Variants in ZBTB7C observed in about 807,000 individuals in gnomAD.
The protein encoded by ZBTB7C is zinc finger and BTB domain containing 7C.
In ZBTB7C, 8 loss-of-function variants were observed where a neutral mutation model predicts 25.7. That is an observed-to-expected ratio of 0.31 (90% CI 0.18 to 0.56). The LOEUF (loss-of-function observed/expected upper bound fraction) is 0.56, where lower values mean the gene tolerates loss of function less well. Ranked by LOEUF, ZBTB7C falls within the 20% of genes least tolerant of loss-of-function variation. The pLI is 0.91. For synonymous variants in ZBTB7C, 394 were observed against 369.0 expected (o/e 1.07, Z -0.78); for missense variants, 824 against 855.2 (o/e 0.96, Z 0.46).
At chr18:48,257,528 G>A (rs2044054666) in intron 2 of ZBTB7C, among the ~76,000 whole-genome samples, 1 of 151,994 alleles carries the variant, frequency 6.6e-6, no homozygotes, top group South Asian at 2.1e-4. Flanking sequence ...AAAACTGAAG[G>A]GAAGGGAATA....
At chr18:48,126,928 T>C (rs1276277288) in intron 3 of ZBTB7C, among the ~76,000 whole-genome samples, 5 of 150,504 alleles carry the variant, frequency 3.3e-5, no homozygotes, top group African/African-American at 1.2e-4. Flanking sequence ...GAAATAGAGA[T>C]GGGAGAGGGA....
chr18:48,379,918 A>G (rs1226138943), intron 1 of ZBTB7C, among the ~76,000 whole-genome samples: 3 of 152,178 alleles, frequency 2.0e-5, no homozygotes, highest in African/African-American at 7.2e-5. Context: ...TTTAAACAAC[A>G]ATAAAACACT....
chr18:48,315,524 T>C (rs773037268), intron 2 of ZBTB7C, among the ~76,000 whole-genome samples: 6 of 152,116 alleles, frequency 3.9e-5, no homozygotes, highest in Non-Finnish European at 8.8e-5. Context: ...AAGCCCCAGC[T>C]TTGCCACCTA....
chr18:48,077,737 C>G (rs186917693), intron 3 of ZBTB7C, among the ~76,000 whole-genome samples: 2 of 152,148 alleles, frequency 1.3e-5, no homozygotes, highest in Admixed American at 6.5e-5. Flanking sequence ...TGGGTCACCT[C>G]GTCCTCACCA....
intron 1 of ZBTB7C, among the ~76,000 whole-genome samples, chr18:48,395,283 G>GAA (rs1568422516): frequency 5.0e-5 from 3 of 60,174 alleles, no homozygotes; most frequent in Non-Finnish European, 1.5e-4. Context: ...GTGTGTGTGT[G>GAA]TGTGTGTGTG....
intron 3 of ZBTB7C, among the ~76,000 whole-genome samples, chr18:48,143,752 G>C (rs143419189): frequency 6.6e-6 from 1 of 152,290 alleles, no homozygotes; most frequent in Non-Finnish European, 1.5e-5. Flanking sequence ...ATCTTGACCT[G>C]TTGGCCTGCC....
At chr18:48,365,691 A>G (rs1211228426) in intron 1 of ZBTB7C, among the ~76,000 whole-genome samples, 2 of 152,034 alleles carry the variant, frequency 1.3e-5, no homozygotes. Flanking sequence ...AGAGACTCCT[A>G]GCCCACAGAA....
At chr18:48,271,521 C>T (rs1204908878) in intron 2 of ZBTB7C, among the ~76,000 whole-genome samples, 1 of 145,506 alleles carries the variant, frequency 6.9e-6, no homozygotes, top group East Asian at 2.0e-4. Context: ...TTATATATAG[C>T]ATATATTATA....
intron 2 of ZBTB7C, among the ~76,000 whole-genome samples, chr18:48,205,409 C>T (rs919622108): frequency 3.3e-5 from 5 of 151,608 alleles, no homozygotes; most frequent in African/African-American, 9.7e-5. Context: ...AGTACAATGC[C>T]GAGACAAATA....
chr18:48,038,665 G>C (rs1212745924), intron 4 of ZBTB7C, among the ~76,000 whole-genome samples: 1 of 151,270 alleles, frequency 6.6e-6, no homozygotes, highest in Non-Finnish European at 1.5e-5. Context: ...AAAATCAAAA[G>C]AATGAGCTGC....
At chr18:48,083,946 C>T (rs1297260768) in intron 3 of ZBTB7C, 13 of 948,630 alleles carry the variant, frequency 1.4e-5, no homozygotes, top group Non-Finnish European at 1.4e-5. Flanking sequence ...CCTTTAAACA[C>T]GACCTGAGAC....
intron 2 of ZBTB7C, among the ~76,000 whole-genome samples, chr18:48,333,297 A>C (rs875610): frequency 0.14 from 20,744 of 152,226 alleles, 1,659 homozygotes; most frequent in Non-Finnish European, 0.2. Flanking sequence ...GGAAGCAATA[A>C]AGATACTAAT....
chr18:48,073,053 C>T (rs1296945502), intron 3 of ZBTB7C, among the ~76,000 whole-genome samples: 3 of 152,216 alleles, frequency 2.0e-5, no homozygotes, highest in Non-Finnish European at 4.4e-5. Context: ...AACTTCCTGA[C>T]AGGAACCAAT....
chr18:48,379,029 T>C (rs543644690), intron 1 of ZBTB7C, among the ~76,000 whole-genome samples: 8 of 152,226 alleles, frequency 5.3e-5, no homozygotes, highest in Admixed American at 3.9e-4. Flanking sequence ...TTTTAACTTA[T>C]GAGGGGTTTA....
At chr18:48,043,324 T>G (rs1235963320) in intron 3 of ZBTB7C, among the ~76,000 whole-genome samples, 1 of 152,194 alleles carries the variant, frequency 6.6e-6, no homozygotes, top group African/African-American at 2.4e-5. Context: ...AGTGAGTAAC[T>G]GGAAATAACC....
chr18:48,217,532 C>A (rs2042854129), intron 2 of ZBTB7C, among the ~76,000 whole-genome samples: 1 of 152,180 alleles, frequency 6.6e-6, no homozygotes, highest in African/African-American at 2.4e-5. Context: ...ACACCCCTAG[C>A]CAGCCACCCT....
intron 3 of ZBTB7C, chr18:48,136,889 C>G: frequency 1.2e-6 from 1 of 868,626 alleles, no homozygotes; most frequent in Non-Finnish European, 1.4e-6. Flanking sequence ...ATGCCCGCAG[C>G]GCTCTCCCGG....
chr18:48,149,725 CA>C (rs2040611878), intron 3 of ZBTB7C: 1 of 151,926 alleles, frequency 6.6e-6, no homozygotes, highest in Non-Finnish European at 1.5e-5. Flanking sequence ...TGTTTACCCC[CA>C]AGAATAGGAA....
chr18:48,218,703 C>A (rs958479162), intron 2 of ZBTB7C, among the ~76,000 whole-genome samples: 29 of 152,278 alleles, frequency 1.9e-4, no homozygotes, highest in African/African-American at 6.5e-4. Context: ...GGCCTAAGAA[C>A]CTCCCTTTCA....
Sources: allele counts gnomAD v4.1 joint callset (sites outside exome capture counted in the v4.1 genomes callset), GRCh38; gene constraint gnomAD v4.1.1; transcripts MANE v1.5; gene names NCBI Gene and HGNC (gene_info 2026-07-23, HGNC 2026-07-21).